The following DHX33 variants were observed in gnomAD, a reference collection of about 807,000 sequenced individuals.
DHX33 encodes the protein DEAH-box helicase 33, also known as ATP-dependent RNA helicase DHX33.
A neutral mutation model predicts 72.5 loss-of-function variants in DHX33; 42 were observed. The ratio of observed to expected loss-of-function variants is 0.58; its 90% CI spans 0.45 to 0.75. The LOEUF is 0.75. DHX33 is among the 30% of genes least tolerant of loss of function. The pLI, the probability that DHX33 is intolerant of heterozygous loss-of-function variation, is 0.00. For synonymous variants in DHX33, 358 were observed against 366.1 expected (o/e 0.98, Z 0.25); for missense variants, 842 against 917.5 (o/e 0.92, Z 1.06).
Position 5,441,720 on chromosome 17 carries a change from T to C in DHX33, c.*2485A>G, listed in dbSNP as rs1384932384. 1 of 152,138 alleles carries C rather than the reference T, an allele frequency of 6.6e-6. No homozygotes were observed. The highest frequency in any genetic ancestry group is 2.4e-5 in the African/African-American group (1 of 41,428). 9.4% of individuals were successfully genotyped at this position (152,138 alleles called of 1,614,324 possible). On this transcript the variant is annotated 3_prime_UTR_variant, in exon 12 of 12. Transcript: ENST00000225296. ...AAAAGCCCAATAAAAAACTAAATACTGTATTAAAACTCTACCACAATGTTA... is the reference window on the plus strand; with the variant it reads ...AAAAGCCCAATAAAAAACTAAATACCGTATTAAAACTCTACCACAATGTTA...
At chr17:5,450,099 C>T in intron 10 of DHX33, 104 bp downstream of exon 10, 2 of 1,411,410 alleles carry the variant, frequency 1.4e-6, no homozygotes, top group Non-Finnish European at 9.8e-7. Context: ...ATAATTTAGC[C>T]AAAAAGGGAA....
chr17:5,454,785 C>A (rs1251037956), intron 6 of DHX33, among the ~76,000 whole-genome samples: 2 of 152,178 alleles, frequency 1.3e-5, no homozygotes, highest in Non-Finnish European at 2.9e-5. Flanking sequence ...AGATCTGGTT[C>A]CTTCCTGAGA....
chr17:5,449,104 G>A (rs1916781908), intron 10 of DHX33, among the ~76,000 whole-genome samples: 1 of 152,002 alleles, frequency 6.6e-6, no homozygotes, highest in African/African-American at 2.4e-5. Context: ...TCTCTATAGA[G>A]AAAATATAAC....
In DHX33 at chr17:5,453,520, G is replaced by A. The variant is rs1258385885; in HGVS notation, c.1396+60C>T. On this transcript the variant is annotated intron_variant, in intron 8 of 11. Coordinates refer to ENST00000225296, the MANE Select transcript of DHX33 (RefSeq NM_020162.4). ...CAATATACTTTATTTTTTTGGAAGT[G>A]TCCATTTGTTGTTGTTTGTCTCCTC... The A allele has an allele frequency of 1.2e-5, 16 of 1,339,960 alleles. No homozygotes were observed. In the East Asian group the frequency reaches 3.4e-4, roughly 29 times the overall value. 83.0% of individuals were successfully genotyped at this position (1,339,960 alleles called of 1,614,324 possible). A position where few individuals can be genotyped will look rare whatever the true frequency, so the allele number is the denominator to read the frequency against.
chr17:5,457,770 T>C (rs2151688860), intron 4 of DHX33, among the ~76,000 whole-genome samples: 2 of 152,146 alleles, frequency 1.3e-5, no homozygotes, highest in Middle Eastern at 3.4e-3. Context: ...ACAGACAGGA[T>C]AAAATCTAAA....
At chr17:5,465,370 G>T (rs184688090) in intron 1 of DHX33, among the ~76,000 whole-genome samples, 12 of 152,208 alleles carry the variant, frequency 7.9e-5, no homozygotes, top group Non-Finnish European at 1.5e-4. Flanking sequence ...AATCCACTAG[G>T]CAAAACCCCA....
Position 5,444,142 on chromosome 17 carries a change from T to A in DHX33, c.*63A>T. 4.5e-6 allele frequency: 7 copies of A among 1,547,500 alleles called. No individual in the cohort carries two copies. The highest frequency in any genetic ancestry group is 6.1e-6 in the Non-Finnish European group (7 of 1,143,714). On this transcript the variant is annotated 3_prime_UTR_variant, in exon 12 of 12. Transcript: ENST00000225296. The surrounding 1 kb of genome is among the most constrained non-coding windows in gnomAD (Gnocchi z 4.9). ...TCTAAGCGCCAACCTGGAAGCCTGC[T>A]GTAAGGACAACTGTAGTCCAAGCTC... is the stretch of plus-strand genomic sequence containing the variant.
intron 1 of DHX33, among the ~76,000 whole-genome samples, chr17:5,467,860 CT>C (rs1001547053): frequency 1.3e-5 from 2 of 152,188 alleles, no homozygotes; most frequent in Non-Finnish European, 2.9e-5. Context: ...CAGGTTTTAA[CT>C]AAAGAAAAGC....
At position 5,450,203 on chromosome 17, in the gene DHX33, C is replaced by T. The variant is rs776931747; in HGVS notation, c.1728G>A (p.Lys576=). 5.6e-6 allele frequency: 9 copies of T among 1,614,050 alleles called. No individual in the cohort carries two copies. The East Asian group carries it at 1.8e-4, about 32-fold the overall frequency. Residue 576 remains lysine (K), a splice_region_variant and synonymous_variant, in exon 10 of 12, where the codon AAG becomes AAA. Coordinates refer to ENST00000225296, the MANE Select transcript of DHX33 (RefSeq NM_020162.4). The part of the protein sequence containing the change: ...YRTFKNLGGN[K]DWCKENFVNS... Reference sequence around the variant, plus strand: ...AGAACAGGTGCAAGACAAGGCTCACCTTATTTCCGCCTAGGTTTTTGAAGG... The same window carrying T: ...AGAACAGGTGCAAGACAAGGCTCACTTTATTTCCGCCTAGGTTTTTGAAGG...
intron 3 of DHX33, 141 bp from the exon 4 acceptor site, chr17:5,461,250 C>A: frequency 1.3e-6 from 1 of 792,490 alleles, no homozygotes; most frequent in Admixed American, 3.1e-5. Context: ...CTGAGCAGAA[C>A]AGGCAGAGGA....
chr17:5,450,719 T>G, intron 9 of DHX33, 88 bp downstream of exon 9: 3 of 1,552,050 alleles, frequency 1.9e-6, no homozygotes, highest in East Asian at 2.3e-5. Context: ...AAAGTGAGAT[T>G]AATCTAGAAG....
At chr17:5,450,993 G>A (rs992553523) in intron 8 of DHX33, 59 bp from the exon 9 acceptor site, 2 of 1,586,366 alleles carry the variant, frequency 1.3e-6, no homozygotes, top group African/African-American at 2.7e-5. Flanking sequence ...GTTGCAGCTA[G>A]TTCAGTATTT....
At position 5,453,818 on chromosome 17, in the gene DHX33, T is replaced by C. The variant is rs1221458295; in HGVS notation, c.1307+3A>G. 6.2e-7 allele frequency: 1 copy of C among 1,613,884 alleles called. No homozygotes were observed. The highest frequency in any genetic ancestry group is 1.7e-4 in the Middle Eastern group (1 of 6,052). On this transcript the variant is annotated splice_donor_region_variant and intron_variant, in intron 7 of 11. Transcript: ENST00000225296. ...CAGCAGTGCAGGAGCAACTGGTGCCTACCTCTGGATCTCTGGCACGGTCAT... is the reference window on the plus strand; with the variant it reads ...CAGCAGTGCAGGAGCAACTGGTGCCCACCTCTGGATCTCTGGCACGGTCAT...
At chr17:5,448,267 T>C (rs548408497) in intron 11 of DHX33, among the ~76,000 whole-genome samples, 1 of 152,276 alleles carries the variant, frequency 6.6e-6, no homozygotes, top group Non-Finnish European at 1.5e-5. Flanking sequence ...AACATGTACC[T>C]CATATGCACG....
chr17:5,466,536 C>T (rs760470485), intron 1 of DHX33, among the ~76,000 whole-genome samples: 4 of 152,114 alleles, frequency 2.6e-5, no homozygotes, highest in Non-Finnish European at 5.9e-5. Context: ...AAATAGCTCT[C>T]GATGGGATGG....
chr17:5,462,355 C>T lies in DHX33; in HGVS notation c.642G>A (p.Gln214=), dbSNP rs1487196064. The change falls in exon 3 of 12, where the codon CAG becomes CAA. Residue 214 remains glutamine, a synonymous_variant. Coordinates refer to ENST00000225296, the MANE Select transcript of DHX33 (RefSeq NM_020162.4). ...GTTTCCCGAGTTCCTTTCTCCTCTT[C>T]TGTGCAGCTTTCACCACTCCAAAGA... The part of the protein sequence containing the change: ...DVLFGVVKAA[Q]KRRKELGKLP... 1 of 1,614,126 alleles carries T rather than the reference C, an allele frequency of 6.2e-7. No individual in the cohort carries two copies. The highest frequency in any genetic ancestry group is 8.5e-7 in the Non-Finnish European group (1 of 1,180,024).
intron 1 of DHX33, among the ~76,000 whole-genome samples, chr17:5,467,413 C>T (rs778574607): frequency 6.6e-6 from 1 of 152,248 alleles, no homozygotes; most frequent in South Asian, 2.1e-4. Context: ...ACTATAGGGT[C>T]TGGATTGACA....
chr17:5,456,438 G>A (rs886925206), intron 4 of DHX33, among the ~76,000 whole-genome samples: 1 of 152,178 alleles, frequency 6.6e-6, no homozygotes, highest in African/African-American at 2.4e-5. Flanking sequence ...TTTGCAGCCA[G>A]GAGTTTGTGA....
intron 4 of DHX33, among the ~76,000 whole-genome samples, chr17:5,458,641 G>T (rs1273296857): frequency 6.6e-6 from 1 of 152,122 alleles, no homozygotes; most frequent in Non-Finnish European, 1.5e-5. Context: ...GATAAAGGGG[G>T]TTGGGGAGGG....
Sources: allele counts gnomAD v4.1 joint callset (sites outside exome capture counted in the v4.1 genomes callset), GRCh38; gene constraint gnomAD v4.1.1; non-coding constraint Gnocchi (gnomAD v3.1); transcripts MANE v1.5; gene names NCBI Gene and HGNC (gene_info 2026-07-23, HGNC 2026-07-21).